OR2T11: variants seen among roughly 807,000 people sequenced by gnomAD.
OR2T11 encodes the protein olfactory receptor family 2 subfamily T member 11, also known as olfactory receptor 2T11.
OR2T11 carries 14 observed loss-of-function variants against 13.5 expected under a neutral mutation model. The observed-to-expected ratio is 1.04, with a 90% confidence interval of 0.69 to 1.62. The LOEUF is 1.62. OR2T11 is among the 40% of genes most tolerant of loss of function. The pLI, the probability that OR2T11 is intolerant of heterozygous loss-of-function variation, is 0.00. For synonymous variants in OR2T11, 163 were observed against 154.6 expected (o/e 1.05, Z -0.40); for missense variants, 410 against 389.7 (o/e 1.05, Z -0.44).
Position 248,634,231 on chromosome 1 carries a change from C to T in OR2T11, c.-145+807G>A, listed in dbSNP as rs1211021611. ...TGTTAGGAAAAGTTTTAAGTGCTTG[C>T]GATGCCTAACAATTCTTGTTTTTAG... is the stretch of plus-strand genomic sequence containing the variant. On this transcript the variant is annotated intron_variant, in intron 1 of 1. Transcript: ENST00000641193. Among the ~76,000 whole-genome samples, 6 of 48,584 alleles carry T rather than the reference C, an allele frequency of 1.2e-4. 1 individual carries two copies. Among genetic ancestry groups the T allele is most frequent in the South Asian group, 1.1e-3 (1 of 928 alleles). The allele number at this position is 48,584 out of a possible 152,430, so 31.9% of individuals were successfully genotyped here. A position where few individuals can be genotyped will look rare whatever the true frequency, so the allele number is the denominator to read the frequency against.
chr1:248,628,730 T>C (rs933085802), intron 1 of OR2T11, among the ~76,000 whole-genome samples: 3 of 142,446 alleles, frequency 2.1e-5, no homozygotes, highest in African/African-American at 8.3e-5. Context: ...AACAAAAAAG[T>C]TATTTACTAA....
chr1:248,633,805 G>T (rs755616420), intron 1 of OR2T11, among the ~76,000 whole-genome samples: 11 of 143,810 alleles, frequency 7.6e-5, no homozygotes, highest in Non-Finnish European at 1.4e-4. Context: ...TTTCAGTCAT[G>T]AAAGAGTTTT....
At chr1:248,629,765 T>C (rs1660578281) in intron 1 of OR2T11, among the ~76,000 whole-genome samples, 1 of 140,710 alleles carries the variant, frequency 7.1e-6, no homozygotes, top group South Asian at 2.2e-4. Flanking sequence ...TTGTCCTCTG[T>C]CCCCACTTTG....
Position 248,625,947 on chromosome 1 carries a change from C to A in OR2T11, c.*231G>T. ...GGTTTTTCTTCCCTAAATAAAAAGACTAGATAAATTATTTAACTTCATAAT... is the reference window on the plus strand; with the variant it reads ...GGTTTTTCTTCCCTAAATAAAAAGAATAGATAAATTATTTAACTTCATAAT... On this transcript the variant is annotated 3_prime_UTR_variant, in exon 2 of 2. Coordinates refer to ENST00000641193, the MANE Select transcript of OR2T11 (RefSeq NM_001001964.2). 1 of 345,794 alleles carries A rather than the reference C, an allele frequency of 2.9e-6. No individual in the cohort carries two copies. Among genetic ancestry groups the A allele is most frequent in the Non-Finnish European group, 5.1e-6 (1 of 194,866 alleles). The allele number at this position is 345,794 out of a possible 1,614,324, so 21.4% of individuals were successfully genotyped here. A position where few individuals can be genotyped will look rare whatever the true frequency, so the allele number is the denominator to read the frequency against.
chr1:248,629,253 C>A (rs1457372153), intron 1 of OR2T11, among the ~76,000 whole-genome samples: 5 of 141,550 alleles, frequency 3.5e-5, no homozygotes, highest in Non-Finnish European at 7.6e-5. Flanking sequence ...ACTAGCCAGG[C>A]GTGGTGGTGC....
chr1:248,630,840 G>T (rs1238840154), intron 1 of OR2T11, among the ~76,000 whole-genome samples: 1 of 143,522 alleles, frequency 7.0e-6, no homozygotes, highest in East Asian at 2.0e-4. Flanking sequence ...AAAAGACTTT[G>T]TGGGTATGAT....
rs1660521689 is a variant in OR2T11 at position 248,626,477 on chromosome 1, TGAGG to T, written c.648_651del (p.Leu217SerfsTer3). ...GGCATGCGGTGGATGGTTAACAAGA[TGAGG>T]GAGTAGGAAGTGGAGATGATAGAGA... On this transcript the variant is annotated frameshift_variant, in exon 2 of 2. Coordinates refer to ENST00000641193, the MANE Select transcript of OR2T11 (RefSeq NM_001001964.2). LOFTEE classifies it high-confidence loss of function. 3 of 1,572,166 alleles carry T rather than the reference TGAGG, an allele frequency of 1.9e-6. No homozygotes were observed. The highest frequency in any genetic ancestry group is 2.6e-6 in the Non-Finnish European group (3 of 1,156,372).
chr1:248,626,952 C>T lies in OR2T11; in HGVS notation c.177G>A (p.Leu59=), dbSNP rs1288736256. 6.4e-7 allele frequency: 1 copy of T among 1,572,212 alleles called. No individual in the cohort carries two copies. The highest frequency in any genetic ancestry group is 1.7e-5 in the Admixed American group (1 of 58,334). Residue 59 remains leucine, a synonymous_variant, in exon 2 of 2, where the codon CTG becomes CTA. Coordinates refer to ENST00000641193, the MANE Select transcript of OR2T11 (RefSeq NM_001001964.2). ...DSRLHTPMYF[L]LSQLSIMDTL... ...TGTCCATGATGGACAGCTGACTGAG[C>T]AGAAAGTACATGGGGGTGTGGAGGC...
Position 248,626,416 on chromosome 1 carries a change from C to CAAGTGGTGA in OR2T11, c.704_712dup (p.Phe235_Thr237dup), listed in dbSNP as rs1408678011. 5 of 1,571,758 alleles carry CAAGTGGTGA rather than the reference C, an allele frequency of 3.2e-6. 1 individual carries two copies. Among genetic ancestry groups the CAAGTGGTGA allele is most frequent in the Non-Finnish European group, 4.3e-6 (5 of 1,155,874 alleles). Reference sequence around the variant, plus strand: ...GCTAACTACAGTCAAGTGGGAGGAACAAGTGGTGAAGGCCTTTTTGCGACC... The same window carrying CAAGTGGTGA: ...GCTAACTACAGTCAAGTGGGAGGAACAAGTGGTGAAAGTGGTGAAGGCCTTTTTGCGACC... On this transcript the variant is annotated inframe_insertion, in exon 2 of 2. Coordinates refer to ENST00000641193, the MANE Select transcript of OR2T11 (RefSeq NM_001001964.2).
chr1:248,628,371 T>G (rs1391218971), intron 1 of OR2T11, among the ~76,000 whole-genome samples: 2 of 139,792 alleles, frequency 1.4e-5, no homozygotes, highest in Non-Finnish European at 3.1e-5. Context: ...GGCTTGAGTC[T>G]CAAACATTTG....
rs140213791 is a variant in OR2T11 at position 248,626,761 on chromosome 1, A to C, written c.368T>G (p.Val123Gly). The C allele has an allele frequency of 1.6e-4, 248 of 1,572,218 alleles. 31 individuals carry two copies. The highest frequency in any genetic ancestry group is 1.7e-4 in the Non-Finnish European group (196 of 1,156,210). The change falls in exon 2 of 2, where the codon GTC (valine) becomes GGC (glycine). Residue 123 changes from valine to glycine, a missense_variant. Val to Gly is a moderately radical substitution (Grantham distance 109). Transcript: ENST00000641193. ...GACTGGGTATCTCAGAGGGTTACAG[A>C]CAGCCACGTAGCAGTCATAGGCCAT... ...GLMAYDCYVA[V>G]CNPLRYPVLM... is the part of the protein sequence containing the mutation.
In OR2T11 at chr1:248,630,299, TAAC is replaced by T. The variant is rs955630444; in HGVS notation, c.-144-3030_-144-3028del. ...AAAACTTCATTCTAGGAAAAATAAA[TAAC>T]AAGTTTCTAAGATCAGACAGCAATA... On this transcript the variant is annotated intron_variant, in intron 1 of 1. Coordinates refer to ENST00000641193, the MANE Select transcript of OR2T11 (RefSeq NM_001001964.2). Among the ~76,000 whole-genome samples, 47 of 143,372 alleles carry T rather than the reference TAAC, an allele frequency of 3.3e-4. 2 individuals carry two copies. Among genetic ancestry groups the T allele is most frequent in the Admixed American group, 2.7e-3 (40 of 14,730 alleles). 94.1% of individuals were successfully genotyped at this position (143,372 alleles called of 152,430 possible). A position where few individuals can be genotyped will look rare whatever the true frequency, so the allele number is the denominator to read the frequency against.
In OR2T11 at chr1:248,628,992, AAG is replaced by A. The variant is rs1436888108; in HGVS notation, c.-144-1722_-144-1721del. ...GCTAATTCAAAGTCCAAAAATATAA[AAG>A]AAACATTCTATATTAGACTCCAAAA... On this transcript the variant is annotated intron_variant, in intron 1 of 1. Coordinates refer to ENST00000641193, the MANE Select transcript of OR2T11 (RefSeq NM_001001964.2). Among the ~76,000 whole-genome samples, 2 of 144,014 alleles carry A rather than the reference AAG, an allele frequency of 1.4e-5. 1 individual carries two copies. The highest frequency in any genetic ancestry group is 4.0e-4 in the East Asian group (2 of 4,976). 94.5% of individuals were successfully genotyped at this position (144,014 alleles called of 152,430 possible). A position where few individuals can be genotyped will look rare whatever the true frequency, so the allele number is the denominator to read the frequency against.
chr1:248,628,405 CG>C (rs1660553132), intron 1 of OR2T11, among the ~76,000 whole-genome samples: 1 of 139,806 alleles, frequency 7.2e-6, no homozygotes, highest in African/African-American at 2.9e-5. Flanking sequence ...GTCCGATCAA[CG>C]GGGGAGCCCG....
rs1055490478 is a variant in OR2T11 at position 248,634,893 on chromosome 1, CCT to C, written c.-145+143_-145+144del. 2.1e-5 allele frequency: 3 copies of C among 144,702 alleles called. 1 individual carries two copies. The highest frequency in any genetic ancestry group is 8.0e-5 in the African/African-American group (3 of 37,286). 9.0% of individuals were successfully genotyped at this position (144,702 alleles called of 1,614,324 possible). A position where few individuals can be genotyped will look rare whatever the true frequency, so the allele number is the denominator to read the frequency against. On this transcript the variant is annotated intron_variant, in intron 1 of 1. Coordinates refer to ENST00000641193, the MANE Select transcript of OR2T11 (RefSeq NM_001001964.2). ...ATCATTCCTTTTTGCCTGATATCTTCCTGAGCATTGAATAAAGCAGTTAATAA... is the reference window on the plus strand; with the variant it reads ...ATCATTCCTTTTTGCCTGATATCTTCGAGCATTGAATAAAGCAGTTAATAA...
rs1660519527 is a variant in OR2T11, at chr1:248,626,434, T to C, written c.695A>G (p.Lys232Arg). 2 of 1,571,858 alleles carry C rather than the reference T, an allele frequency of 1.3e-6. No homozygotes were observed. Among genetic ancestry groups the C allele is most frequent in the Admixed American group, 1.7e-5 (1 of 58,358 alleles). ...GGAGGAACAAGTGGTGAAGGCCTTTTTGCGACCTTCAGCAGAGGGCATGCG... is the reference window on the plus strand; with the variant it reads ...GGAGGAACAAGTGGTGAAGGCCTTTCTGCGACCTTCAGCAGAGGGCATGCG... ...IHRMPSAEGRKKAFTTCSSHL... is the reference protein window; with the variant it reads ...IHRMPSAEGRRKAFTTCSSHL... Residue 232 changes from lysine to arginine, a missense_variant, in exon 2 of 2, where the codon AAA becomes AGA. Lys to Arg is a conservative substitution (Grantham distance 26). Transcript: ENST00000641193.
Position 248,627,180 on chromosome 1 carries a change from A to C in OR2T11, c.-52T>G, listed in dbSNP as rs1489120376. On this transcript the variant is annotated 5_prime_UTR_variant, in exon 2 of 2. Coordinates refer to ENST00000641193, the MANE Select transcript of OR2T11 (RefSeq NM_001001964.2). ...CAACGGGAAGACACAAGGACCAGGAAGGAGGCAAGAGAACACGGTCAAGAT... is the reference window on the plus strand; with the variant it reads ...CAACGGGAAGACACAAGGACCAGGACGGAGGCAAGAGAACACGGTCAAGAT... The C allele has an allele frequency of 4.7e-6, 5 of 1,065,168 alleles. 2 individuals carry two copies. The African/African-American group carries it at 9.0e-5, about 19-fold the overall frequency. The allele number at this position is 1,065,168 out of a possible 1,614,324, so 66.0% of individuals were successfully genotyped here. A position where few individuals can be genotyped will look rare whatever the true frequency, so the allele number is the denominator to read the frequency against.
rs1660475050 is a variant in OR2T11, at chr1:248,623,763, T to C, written c.*2415A>G. Reference sequence around the variant, plus strand: ...AATTCTAGTTAACATATTGAGTGCCTACTATTTTCTGGCCACCATCCCGAA... The same window carrying C: ...AATTCTAGTTAACATATTGAGTGCCCACTATTTTCTGGCCACCATCCCGAA... On this transcript the variant is annotated 3_prime_UTR_variant, in exon 2 of 2. Transcript: ENST00000641193. 7.0e-6 allele frequency: 1 copy of C among 142,998 alleles called. No individual in the cohort carries two copies. Among genetic ancestry groups the C allele is most frequent in the East Asian group, 2.0e-4 (1 of 4,962 alleles). The allele number at this position is 142,998 out of a possible 1,614,324, so 8.9% of individuals were successfully genotyped here. A position where few individuals can be genotyped will look rare whatever the true frequency, so the allele number is the denominator to read the frequency against.
Position 248,629,165 on chromosome 1 carries a change from G to A in OR2T11, c.-144-1893C>T, listed in dbSNP as rs150429797. 6.4e-3 allele frequency among the ~76,000 whole-genome samples: 908 copies of A among 142,782 alleles called. 192 individuals carry two copies. Among genetic ancestry groups the A allele is most frequent in the African/African-American group, 0.024 (877 of 36,134 alleles). The allele number at this position is 142,782 out of a possible 152,430, so 93.7% of individuals were successfully genotyped here. On this transcript the variant is annotated intron_variant, in intron 1 of 1. Transcript: ENST00000641193. ...TTCATGCCTGTAACCCCAGCACTTA[G>A]GGAGGCCAGGGCGGAAGGATCACTT... is the stretch of plus-strand genomic sequence containing the variant.
Sources: allele counts gnomAD v4.1 joint callset (sites outside exome capture counted in the v4.1 genomes callset), GRCh38; gene constraint gnomAD v4.1.1; transcripts MANE v1.5; gene names NCBI Gene and HGNC (gene_info 2026-07-23, HGNC 2026-07-21).